The following ATP2B4 variants were observed in gnomAD, a reference collection of about 807,000 sequenced individuals.
The protein encoded by ATP2B4 is plasma membrane calcium-transporting ATPase 4.
In ATP2B4, 39 loss-of-function variants were observed where a neutral mutation model predicts 110.3. That is an observed-to-expected ratio of 0.35 (90% confidence interval 0.27 to 0.46). ATP2B4 has a LOEUF of 0.46. Among genes scored for constraint, ATP2B4 ranks in the 20% least tolerant of loss-of-function variants. ATP2B4 has a pLI of 1.00. For synonymous variants in ATP2B4, 538 were observed against 571.7 expected (o/e 0.94, Z 0.84); for missense variants, 1,135 against 1,530.9 (o/e 0.74, Z 4.32).
intron 20 of ATP2B4, among the ~76,000 whole-genome samples, chr1:203,728,737 A>C (rs1666599177): frequency 6.6e-6 from 1 of 151,998 alleles, no homozygotes; most frequent in South Asian, 2.1e-4. Flanking sequence ...CATGCCTGTA[A>C]TCCCAGCTAC....
intron 1 of ATP2B4, among the ~76,000 whole-genome samples, chr1:203,632,149 T>C (rs2102292974): frequency 6.6e-6 from 1 of 151,416 alleles, no homozygotes; most frequent in East Asian, 1.9e-4. Flanking sequence ...GCCCATTCTT[T>C]AAAAAATGGT....
intron 2 of ATP2B4, 120 bp downstream of exon 2, chr1:203,683,518 TG>T (rs1236923761): frequency 9.4e-7 from 1 of 1,059,592 alleles, no homozygotes; most frequent in African/African-American, 1.6e-5. Context: ...TTTTGTCTGG[TG>T]GGAAAGGTAT....
At chr1:203,738,095 T>C (rs1168812101) in intron 20 of ATP2B4, among the ~76,000 whole-genome samples, 1 of 152,124 alleles carries the variant, frequency 6.6e-6, no homozygotes, top group Non-Finnish European at 1.5e-5. Flanking sequence ...AGAGGTACCC[T>C]ACCCCCACCT....
At chr1:203,660,513 G>A (rs573449083) in intron 1 of ATP2B4, among the ~76,000 whole-genome samples, 10 of 151,862 alleles carry the variant, frequency 6.6e-5, no homozygotes, top group Non-Finnish European at 1.5e-4. Context: ...GTGGGGGGTG[G>A]GGGGAGGCCT....
intron 1 of ATP2B4, among the ~76,000 whole-genome samples, chr1:203,647,431 C>T (rs1037121620): frequency 7.3e-5 from 2 of 27,408 alleles, no homozygotes; most frequent in Non-Finnish European, 2.3e-4. Flanking sequence ...GCAAGAACTT[C>T]TCTCTAAAAA....
chr1:203,629,439 AG>A lies in ATP2B4; in HGVS notation c.-465+2224del, dbSNP rs1242177323. The stretch of plus-strand genomic sequence containing the variant: ...CCTTCCTATTTTCAGTAATCTGATT[AG>A]GGGTCGATGTTGGTGGGCTCGGGGA... On this transcript the variant is annotated intron_variant, in intron 1 of 20. Coordinates refer to ENST00000357681, the MANE Select transcript of ATP2B4 (RefSeq NM_001684.5). This position sits in a 1 kb window ranked among gnomAD's most constrained non-coding sequence, Gnocchi z 4.6. Among the ~76,000 whole-genome samples the A allele has an allele frequency of 6.6e-6, 1 of 152,156 alleles. No individual in the cohort carries two copies. The highest frequency in any genetic ancestry group is 1.9e-4 in the East Asian group (1 of 5,188).
chr1:203,667,719 G>A (rs532924818), intron 1 of ATP2B4, among the ~76,000 whole-genome samples: 4 of 152,328 alleles, frequency 2.6e-5, no homozygotes, highest in South Asian at 4.1e-4. Context: ...GACTTCCCCC[G>A]CATGAAGGCG....
intron 2 of ATP2B4, among the ~76,000 whole-genome samples, chr1:203,690,225 C>T (rs1367682490): frequency 6.6e-6 from 1 of 152,070 alleles, no homozygotes; most frequent in African/African-American, 2.4e-5. Context: ...CATGTTTTAC[C>T]AGGAATTGTC....
intron 1 of ATP2B4, among the ~76,000 whole-genome samples, chr1:203,676,424 C>T (rs1277534302): frequency 1.3e-5 from 2 of 152,082 alleles, no homozygotes; most frequent in Non-Finnish European, 2.9e-5. Context: ...AGGAGGCGGG[C>T]AGAACAGCCT....
intron 11 of ATP2B4, 147 bp downstream of exon 11, chr1:203,709,689 C>G: frequency 2.3e-6 from 3 of 1,325,328 alleles, no homozygotes; most frequent in Non-Finnish European, 3.1e-6. Context: ...CTACTCAGGC[C>G]ACGCATGTTT....
rs757437651 is a variant in ATP2B4, at chr1:203,703,697, G to T, written c.983G>T (p.Ser328Ile). Reference sequence around the variant, plus strand: ...GCCCTGGAAATCCAGCCACTCAACAGCCAGGAGGGAATCGACAATGAGGAA... The same window carrying T: ...GCCCTGGAAATCCAGCCACTCAACATCCAGGAGGGAATCGACAATGAGGAA... ...GVALEIQPLN[S>I]QEGIDNEEKD... The change falls in exon 8 of 21, where the codon AGC becomes ATC. Residue 328 changes from serine to isoleucine, a missense_variant. Coordinates refer to ENST00000357681, the MANE Select transcript of ATP2B4 (RefSeq NM_001684.5). 6.2e-7 allele frequency: 1 copy of T among 1,614,158 alleles called. No homozygotes were observed. Among genetic ancestry groups the T allele is most frequent in the Non-Finnish European group, 8.5e-7 (1 of 1,180,008 alleles).
Position 203,739,890 on chromosome 1 carries a change from A to C in ATP2B4, c.*36A>C, listed in dbSNP as rs751139195. 5.1e-6 allele frequency: 8 copies of C among 1,579,124 alleles called. No homozygotes were observed. Among genetic ancestry groups the C allele is most frequent in the Non-Finnish European group, 6.9e-6 (8 of 1,162,118 alleles). ...TCTGACTCTCATCCCTATTTTACCTATTTCCATTTTCGTCTATCCCATCTA... is the reference window on the plus strand; with the variant it reads ...TCTGACTCTCATCCCTATTTTACCTCTTTCCATTTTCGTCTATCCCATCTA... On this transcript the variant is annotated 3_prime_UTR_variant, in exon 21 of 21. Transcript: ENST00000357681.
At chr1:203,666,348 G>A (rs1664503026) in intron 1 of ATP2B4, among the ~76,000 whole-genome samples, 1 of 152,118 alleles carries the variant, frequency 6.6e-6, no homozygotes, top group Non-Finnish European at 1.5e-5. Context: ...CCTTTGAAAT[G>A]AGAGTTGAAA....
At chr1:203,729,914 A>G (rs374600748) in intron 20 of ATP2B4, among the ~76,000 whole-genome samples, 7 of 152,060 alleles carry the variant, frequency 4.6e-5, no homozygotes, top group African/African-American at 1.7e-4. Context: ...CAGCCTGACC[A>G]TGGTCTAGGT....
chr1:203,665,483 C>A (rs1224177697), intron 1 of ATP2B4, among the ~76,000 whole-genome samples: 1 of 152,150 alleles, frequency 6.6e-6, no homozygotes, highest in Non-Finnish European at 1.5e-5. Context: ...GGTGTCTCTG[C>A]CCCTGTCCTG....
At chr1:203,700,620 C>G (rs543489717) in intron 5 of ATP2B4, among the ~76,000 whole-genome samples, 178 bp from the exon 6 acceptor site, 1 of 152,282 alleles carries the variant, frequency 6.6e-6, no homozygotes, top group East Asian at 1.9e-4. Flanking sequence ...CTCCTTACTC[C>G]CAATTTGTCT....
intron 12 of ATP2B4, 45 bp downstream of exon 12, chr1:203,711,153 C>G (rs75267096): frequency 2.5e-6 from 4 of 1,578,786 alleles, no homozygotes; most frequent in Non-Finnish European, 3.5e-6. Context: ...AAGTGGGGTA[C>G]TAGTTCCCTT....
chr1:203,734,287 G>C (rs1328746555), intron 20 of ATP2B4, among the ~76,000 whole-genome samples: 3 of 150,754 alleles, frequency 2.0e-5, no homozygotes, highest in African/African-American at 7.3e-5. Context: ...CTGGGCGATA[G>C]AGCAAGACTC....
chr1:203,633,632 G>A (rs985445767), intron 1 of ATP2B4, among the ~76,000 whole-genome samples: 1 of 151,676 alleles, frequency 6.6e-6, no homozygotes, highest in African/African-American at 2.4e-5. Context: ...GAAATCGATT[G>A]AACTCAGGAG....
Sources: gnomAD v4.1 joint callset for allele counts (sites outside exome capture counted in the v4.1 genomes callset) on GRCh38, gnomAD v4.1.1 for gene constraint, Gnocchi (gnomAD v3.1) non-coding constraint, MANE v1.5 for transcripts, NCBI Gene and HGNC (gene_info 2026-07-23, HGNC 2026-07-21) for gene names.